The following NAV3 variants were observed in gnomAD, a reference collection of about 807,000 sequenced individuals.
The protein encoded by NAV3 is neuron navigator 3.
NAV3 carries 87 observed loss-of-function variants against 244.7 expected under a neutral mutation model. The observed-to-expected ratio is 0.36, with a 90% CI of 0.30 to 0.42. The LOEUF (loss-of-function observed/expected upper bound fraction) is 0.42, where lower values mean the gene tolerates loss of function less well. Ranked by LOEUF, NAV3 falls within the 20% of genes least tolerant of loss-of-function variation. The pLI is 1.00. For synonymous variants in NAV3, 1,126 were observed against 1,042.2 expected, an observed-to-expected ratio of 1.08 and a Z score of -1.55; for missense variants, 2,663 against 2,893.3, an observed-to-expected ratio of 0.92 and a Z score of 1.83.
At chr12:77,698,474 A>G (rs1372928394) in intron 2 of NAV3, among the ~76,000 whole-genome samples, 2 of 152,148 alleles carry the variant, frequency 1.3e-5, no homozygotes, top group Admixed American at 6.6e-5. Context: ...ACAAGCTATG[A>G]TTTTGTTGAA....
chr12:78,116,664 T>C (rs1955394394), intron 12 of NAV3, 108 bp from the exon 13 acceptor site: 1 of 1,210,400 alleles, frequency 8.3e-7, no homozygotes, highest in South Asian at 2.4e-5. Flanking sequence ...TAAGATATTT[T>C]TTAAAAGAAT....
At chr12:78,000,721 T>C (rs1302883510) in intron 7 of NAV3, among the ~76,000 whole-genome samples, 4 of 148,180 alleles carry the variant, frequency 2.7e-5, no homozygotes, top group Admixed American at 6.8e-5. Flanking sequence ...GCCAGGATGG[T>C]CTCGATCTCC....
At chr12:77,811,835 A>T (rs1872301901) in intron 2 of NAV3, among the ~76,000 whole-genome samples, 1 of 152,220 alleles carries the variant, frequency 6.6e-6, no homozygotes, top group African/African-American at 2.4e-5. Context: ...CACAAAACTA[A>T]GCATTTTAAA....
At chr12:77,728,561 G>T (rs992544776) in intron 2 of NAV3, among the ~76,000 whole-genome samples, 3 of 151,852 alleles carry the variant, frequency 2.0e-5, no homozygotes, top group Non-Finnish European at 2.9e-5. Context: ...ACATCAATAG[G>T]GTAATACCGA....
chr12:77,679,082 A>T (rs888986585), intron 2 of NAV3, among the ~76,000 whole-genome samples: 2 of 152,236 alleles, frequency 1.3e-5, no homozygotes, highest in African/African-American at 4.8e-5. Flanking sequence ...GGCATAGTCT[A>T]CATTAGTTAC....
chr12:77,731,904 G>GA (rs2096265084), intron 2 of NAV3, among the ~76,000 whole-genome samples: 1 of 151,944 alleles, frequency 6.6e-6, no homozygotes, highest in Admixed American at 6.6e-5. Flanking sequence ...AGGGGCAGAG[G>GA]AAAGACAATT....
At chr12:77,841,511 T>C (rs1265749378) in intron 1 of NAV3, among the ~76,000 whole-genome samples, 1 of 152,188 alleles carries the variant, frequency 6.6e-6, no homozygotes, top group Non-Finnish European at 1.5e-5. Flanking sequence ...TAGAAATTTA[T>C]TCTCCACTTT....
intron 23 of NAV3, among the ~76,000 whole-genome samples, chr12:78,162,911 T>A (rs1565744298): frequency 7.7e-6 from 1 of 129,582 alleles, no homozygotes; most frequent in African/African-American, 2.6e-5. Context: ...TAAATATATA[T>A]ATTATATAAT....
intron 12 of NAV3, among the ~76,000 whole-genome samples, chr12:78,084,925 G>A (rs973771225): frequency 6.6e-6 from 1 of 151,740 alleles, no homozygotes; most frequent in African/African-American, 2.4e-5. Context: ...TATTTATGAT[G>A]TTTGAATAGA....
At chr12:77,680,513 A>G (rs886435666) in intron 2 of NAV3, among the ~76,000 whole-genome samples, 2 of 152,120 alleles carry the variant, frequency 1.3e-5, no homozygotes, top group Non-Finnish European at 2.9e-5. Context: ...TTCGTTTTCA[A>G]TATTAGGAGA....
intron 2 of NAV3, among the ~76,000 whole-genome samples, chr12:77,589,224 G>A (rs796611208): frequency 2.4e-4 from 36 of 152,278 alleles, no homozygotes; most frequent in African/African-American, 8.2e-4. Context: ...CTGGCTCTGT[G>A]GATTTTGTTC....
At chr12:77,851,381 C>T (rs963132858) in intron 1 of NAV3, among the ~76,000 whole-genome samples, 1 of 152,094 alleles carries the variant, frequency 6.6e-6, no homozygotes, top group South Asian at 2.1e-4. Flanking sequence ...ATATCTTGCA[C>T]CCTATGCATT....
chr12:78,127,074 A>AT (rs1019920774), intron 16 of NAV3, 93 bp from the exon 17 acceptor site: 223 of 1,276,920 alleles, frequency 1.7e-4, no homozygotes, highest in Non-Finnish European at 2.3e-4. Flanking sequence ...CCAAAAAATT[A>AT]TTTTTTATAG....
chr12:77,792,903 G>A (rs547628459), intron 2 of NAV3, among the ~76,000 whole-genome samples: 12 of 152,224 alleles, frequency 7.9e-5, no homozygotes, highest in African/African-American at 2.9e-4. Flanking sequence ...TGAAAAGCAT[G>A]TCTCTCAGTG....
chr12:78,188,380 A>G, intron 32 of NAV3, 37 bp downstream of exon 32: 1 of 1,503,036 alleles, frequency 6.7e-7, no homozygotes, highest in East Asian at 2.3e-5. Flanking sequence ...TACTTTTCAA[A>G]TATGTTTCTC....
intron 2 of NAV3, among the ~76,000 whole-genome samples, chr12:77,818,500 TGTTTG>T (rs894933823): frequency 4.6e-5 from 7 of 152,114 alleles, no homozygotes; most frequent in African/African-American, 1.7e-4. Flanking sequence ...TTTTCTGTTT[TGTTTG>T]GTTTGGTTTG....
intron 2 of NAV3, among the ~76,000 whole-genome samples, chr12:77,649,782 T>C (rs373469568): frequency 6.6e-6 from 1 of 152,200 alleles, no homozygotes; most frequent in African/African-American, 2.4e-5. Context: ...TTTTGAAATA[T>C]GCCTTTGAAA....
intron 2 of NAV3, among the ~76,000 whole-genome samples, chr12:77,803,481 TA>T (rs2135977864): frequency 6.6e-6 from 1 of 152,340 alleles, no homozygotes; most frequent in South Asian, 2.1e-4. Flanking sequence ...GGCTGCATAG[TA>T]TTCCATGGTG....
At chr12:78,102,511 A>T (rs995350337) in intron 12 of NAV3, among the ~76,000 whole-genome samples, 1 of 152,168 alleles carries the variant, frequency 6.6e-6, no homozygotes, top group Admixed American at 6.5e-5. Flanking sequence ...TGGATCTACC[A>T]TTCTGGGGTT....
Sources: allele counts gnomAD v4.1 joint callset (sites outside exome capture counted in the v4.1 genomes callset), GRCh38; gene constraint gnomAD v4.1.1; transcripts MANE v1.5; gene names NCBI Gene and HGNC (gene_info 2026-07-23, HGNC 2026-07-21).